CTNND2: variants seen among roughly 807,000 people sequenced by gnomAD.
The protein encoded by CTNND2 is catenin delta-2.
A neutral mutation model predicts 144.4 loss-of-function variants in CTNND2; 22 were observed. That is an observed-to-expected ratio of 0.15 (90% CI 0.11 to 0.22). CTNND2 has a LOEUF of 0.22. CTNND2 is among the 10% of genes least tolerant of loss of function. The pLI, the probability that CTNND2 is intolerant of heterozygous loss-of-function variation, is 1.00. For synonymous variants in CTNND2, 751 were observed against 695.6 expected (o/e 1.08, Z -1.25); for missense variants, 1,353 against 1,618.8 (o/e 0.84, Z 2.82).
At chr5:11,828,530 A>G (rs1425850097) in intron 1 of CTNND2, among the ~76,000 whole-genome samples, 1 of 152,108 alleles carries the variant, frequency 6.6e-6, no homozygotes, top group Non-Finnish European at 1.5e-5. Flanking sequence ...AACTCCGACT[A>G]AAAATAAATA....
At position 11,724,217 on chromosome 5, in the gene CTNND2, T is replaced by C. The variant is rs562860618; in HGVS notation, c.174+7919A>G. ...AAACAAACCAGTAAAGCTCCTAGTA[T>C]GGTAATTTCTTATCTTGGGTCTCCA... On this transcript the variant is annotated intron_variant, in intron 2 of 21. Transcript: ENST00000304623. Among the ~76,000 whole-genome samples the C allele has an allele frequency of 1.2e-4, 18 of 152,276 alleles. No homozygotes were observed. In the East Asian group the frequency reaches 2.9e-3, roughly 25 times the overall value.
intron 2 of CTNND2, among the ~76,000 whole-genome samples, chr5:11,620,366 C>T (rs1240480363): frequency 6.7e-6 from 1 of 149,758 alleles, no homozygotes. Context: ...GACCAATATT[C>T]CCCTGCCTAG....
intron 21 of CTNND2, among the ~76,000 whole-genome samples, chr5:10,975,230 C>G (rs540632065): frequency 6.6e-6 from 1 of 152,266 alleles, no homozygotes; most frequent in South Asian, 2.1e-4. Context: ...CACTCCAACA[C>G]AGGGCTGTTT....
chr5:11,899,897 C>T (rs1737716856), intron 1 of CTNND2, among the ~76,000 whole-genome samples: 2 of 152,122 alleles, frequency 1.3e-5, no homozygotes. Flanking sequence ...TCTGTACCCA[C>T]CAGAAGCAGA....
In CTNND2 at chr5:11,577,925, A is replaced by G. The variant is rs1055856827; in HGVS notation, c.175-12869T>C. Among the ~76,000 whole-genome samples the G allele has an allele frequency of 9.2e-5, 14 of 152,232 alleles. 1 individual carries two copies. The highest frequency in any genetic ancestry group is 2.4e-4 in the African/African-American group (10 of 41,466). ...TCTTGCACTATATTGCACTGCAAGGATGTTAGTTTGCCAGTCCCTAAATGT... is the reference window on the plus strand; with the variant it reads ...TCTTGCACTATATTGCACTGCAAGGGTGTTAGTTTGCCAGTCCCTAAATGT... On this transcript the variant is annotated intron_variant, in intron 2 of 21. Transcript: ENST00000304623.
At chr5:11,116,480 A>G (rs1162749019) in intron 13 of CTNND2, among the ~76,000 whole-genome samples, 2 of 152,254 alleles carry the variant, frequency 1.3e-5, no homozygotes, top group East Asian at 3.8e-4. Context: ...CTTTATGACT[A>G]TTGGTAAAGT....
rs1580565184 is a variant in CTNND2 at position 11,199,506 on chromosome 5, T to C, written c.1917A>G (p.Pro639=). 1 of 1,614,248 alleles carries C rather than the reference T, an allele frequency of 6.2e-7. No homozygotes were observed. The highest frequency in any genetic ancestry group is 1.1e-5 in the South Asian group (1 of 91,082). Residue 639 remains proline, a synonymous_variant, in exon 11 of 22, where the codon CCA becomes CCG. Transcript: ENST00000304623. ...TCTTGCGGAGTAACCTCACCAGTGC[T>C]GGGATGCCACCACAGTTTTTCAGGG... ...KIALKNCGGI[P]ALVRLLRKTT... is the part of the protein sequence containing the mutation.
intron 16 of CTNND2, among the ~76,000 whole-genome samples, chr5:11,072,099 T>C (rs1748388362): frequency 6.6e-6 from 1 of 152,226 alleles, no homozygotes; most frequent in Non-Finnish European, 1.5e-5. Flanking sequence ...TAAAATGTAA[T>C]ACCACCAGTT....
chr5:11,381,079 C>T (rs1266000106), intron 7 of CTNND2, among the ~76,000 whole-genome samples: 1 of 152,088 alleles, frequency 6.6e-6, no homozygotes. Context: ...TTTCTCTTAC[C>T]TTCATCACCT....
intron 11 of CTNND2, among the ~76,000 whole-genome samples, chr5:11,181,944 G>A (rs904046467): frequency 6.8e-6 from 1 of 146,168 alleles, no homozygotes; most frequent in African/African-American, 2.6e-5. Context: ...GTGTGTGTGT[G>A]GGGGGGTGCG....
At chr5:11,065,689 C>T (rs1209181166) in intron 16 of CTNND2, among the ~76,000 whole-genome samples, 4 of 152,176 alleles carry the variant, frequency 2.6e-5, no homozygotes, top group Non-Finnish European at 5.9e-5. Flanking sequence ...ACCATAAATT[C>T]TCATCAGATG....
chr5:11,764,640 T>C (rs983518524), intron 1 of CTNND2, among the ~76,000 whole-genome samples: 1 of 152,172 alleles, frequency 6.6e-6, no homozygotes, highest in African/African-American at 2.4e-5. Context: ...GACTTTTCCT[T>C]TCCCCCTGGA....
chr5:11,528,505 T>C (rs1330641520), intron 3 of CTNND2, among the ~76,000 whole-genome samples: 1 of 152,150 alleles, frequency 6.6e-6, no homozygotes, highest in Non-Finnish European at 1.5e-5. Context: ...TTGAAATATA[T>C]CAGAGGGACT....
chr5:11,428,716 C>T (rs780523676), intron 3 of CTNND2, among the ~76,000 whole-genome samples: 11 of 152,162 alleles, frequency 7.2e-5, no homozygotes, highest in Non-Finnish European at 1.3e-4. Context: ...GCATTTATTT[C>T]GCTGAATCTT....
chr5:11,826,526 G>C (rs1185595241), intron 1 of CTNND2, among the ~76,000 whole-genome samples: 1 of 151,838 alleles, frequency 6.6e-6, no homozygotes, highest in African/African-American at 2.4e-5. Context: ...AAATGCACAT[G>C]AATTAAATAT....
At chr5:11,711,108 C>T (rs1786004483) in intron 2 of CTNND2, among the ~76,000 whole-genome samples, 2 of 151,868 alleles carry the variant, frequency 1.3e-5, no homozygotes, top group Admixed American at 6.6e-5. Context: ...CTCTGTCGCC[C>T]AGGCTAGCAT....
intron 2 of CTNND2, among the ~76,000 whole-genome samples, chr5:11,688,191 C>G (rs1784743125): frequency 6.6e-6 from 1 of 152,062 alleles, no homozygotes; most frequent in South Asian, 2.1e-4. Flanking sequence ...AGTTTCAAGC[C>G]AATCTTCCAA....
chr5:11,408,705 G>T (rs1017074650), intron 5 of CTNND2, among the ~76,000 whole-genome samples: 11 of 152,054 alleles, frequency 7.2e-5, no homozygotes, highest in African/African-American at 2.7e-4. Flanking sequence ...CCATACTGGA[G>T]CATTTAACTT....
chr5:11,575,273 G>A (rs1476646418), intron 2 of CTNND2, among the ~76,000 whole-genome samples: 1 of 152,206 alleles, frequency 6.6e-6, no homozygotes, highest in African/African-American at 2.4e-5. Context: ...ATAGATGGAT[G>A]AGTGGATGGA....
Sources: allele counts gnomAD v4.1 joint callset (sites outside exome capture counted in the v4.1 genomes callset), GRCh38; gene constraint gnomAD v4.1.1; transcripts MANE v1.5; gene names NCBI Gene and HGNC (gene_info 2026-07-23, HGNC 2026-07-21).